Variants in HMBOX1 observed in about 807,000 individuals in gnomAD.
The protein encoded by HMBOX1 is homeobox-containing protein 1.
Under a neutral mutation model 54.5 loss-of-function variants are expected in HMBOX1, and 14 were observed. The observed-to-expected ratio is 0.26, with a 90% confidence interval of 0.17 to 0.40. HMBOX1 has a LOEUF of 0.40. Among genes scored for constraint, HMBOX1 ranks in the 10% least tolerant of loss-of-function variants. The pLI, the probability that HMBOX1 is intolerant of heterozygous loss-of-function variation, is 1.00. For synonymous variants in HMBOX1, 160 were observed against 181.0 expected (o/e 0.88, Z 0.93); for missense variants, 332 against 514.4 (o/e 0.65, Z 3.43).
chr8:28,998,775 C>T (rs2132692069), intron 4 of HMBOX1, among the ~76,000 whole-genome samples: 1 of 151,702 alleles, frequency 6.6e-6, no homozygotes, highest in South Asian at 2.1e-4. Flanking sequence ...ATTTTAAATC[C>T]CTTGTCATTT....
At chr8:28,961,428 A>G (rs1487363410) in intron 1 of HMBOX1, among the ~76,000 whole-genome samples, 3 of 152,250 alleles carry the variant, frequency 2.0e-5, no homozygotes, top group Admixed American at 6.5e-5. Context: ...TGACTACTCT[A>G]GGTACCTCAT....
intron 1 of HMBOX1, among the ~76,000 whole-genome samples, chr8:28,937,124 C>A (rs944214953): frequency 6.6e-6 from 1 of 152,134 alleles, no homozygotes; most frequent in African/African-American, 2.4e-5. Flanking sequence ...GTGAGGTTGG[C>A]ATAGCTGGGA....
At chr8:28,898,881 G>A (rs1382000361) in intron 1 of HMBOX1, among the ~76,000 whole-genome samples, 1 of 152,188 alleles carries the variant, frequency 6.6e-6, no homozygotes, top group Non-Finnish European at 1.5e-5. Flanking sequence ...GTGGGAGGTA[G>A]CGTGGAAAGC....
chr8:29,014,086 TC>T (rs34725513), intron 5 of HMBOX1, among the ~76,000 whole-genome samples: 151,286 of 152,258 alleles, frequency 0.99, 75,186 homozygotes, highest in Middle Eastern at 1. Context: ...GTGCTTATAG[TC>T]CCCTCACCCA....
chr8:29,025,798 T>G (rs1801926706), intron 6 of HMBOX1, among the ~76,000 whole-genome samples: 1 of 152,182 alleles, frequency 6.6e-6, no homozygotes, highest in African/African-American at 2.4e-5. Flanking sequence ...CCCTGCTGAC[T>G]GATCTCATTT....
chr8:28,916,148 T>C (rs547186230), intron 1 of HMBOX1, among the ~76,000 whole-genome samples: 43 of 152,306 alleles, frequency 2.8e-4, no homozygotes, highest in African/African-American at 9.9e-4. Context: ...GATTTATGTG[T>C]TTTCTTGTTC....
chr8:29,017,318 A>G (rs1835183365), intron 5 of HMBOX1, among the ~76,000 whole-genome samples: 1 of 152,222 alleles, frequency 6.6e-6, no homozygotes, highest in Non-Finnish European at 1.5e-5. Context: ...AAAGCATCTT[A>G]TAACCTAGCC....
At chr8:29,002,279 A>G (rs1339479811) in intron 4 of HMBOX1, among the ~76,000 whole-genome samples, 2 of 152,124 alleles carry the variant, frequency 1.3e-5, no homozygotes, top group African/African-American at 4.8e-5. Flanking sequence ...CTTCTCCCAC[A>G]ACTAGGTATC....
At chr8:28,895,654 A>C (rs947492203) in intron 1 of HMBOX1, among the ~76,000 whole-genome samples, 3 of 151,768 alleles carry the variant, frequency 2.0e-5, no homozygotes, top group African/African-American at 7.3e-5. Context: ...CAGCCTGGGC[A>C]ACAGAGTGAG....
intron 1 of HMBOX1, among the ~76,000 whole-genome samples, chr8:28,938,791 T>TAGC (rs10625339): frequency 0.66 from 99,511 of 151,462 alleles, 32,834 homozygotes; most frequent in East Asian, 0.76. Context: ...TCTGGAGTAG[T>TAGC]CTTTTTCTAT....
chr8:28,921,035 A>G (rs182553378), intron 1 of HMBOX1, among the ~76,000 whole-genome samples: 1 of 152,364 alleles, frequency 6.6e-6, no homozygotes, highest in African/African-American at 2.4e-5. Flanking sequence ...ATAAGCATTT[A>G]AAATCATCCC....
chr8:28,990,847 A>T (rs1397026719), intron 4 of HMBOX1, among the ~76,000 whole-genome samples: 1 of 151,810 alleles, frequency 6.6e-6, no homozygotes, highest in Non-Finnish European at 1.5e-5. Context: ...AGAGGCAGGG[A>T]TTCAACATGT....
At position 28,900,254 on chromosome 8, in the gene HMBOX1, C is replaced by CAAA. The variant is rs1215445461; in HGVS notation, c.-58+9592_-58+9594dup. Among the ~76,000 whole-genome samples, 241 of 94,876 alleles carry CAAA rather than the reference C, an allele frequency of 2.5e-3. 4 individuals carry two copies. The East Asian group carries it at 0.032, about 13-fold the overall frequency. The allele number at this position is 94,876 out of a possible 152,430, so 62.2% of individuals were successfully genotyped here. On this transcript the variant is annotated intron_variant, in intron 1 of 9. Coordinates refer to ENST00000287701, the MANE Select transcript of HMBOX1 (RefSeq NM_001135726.3). ...TGGGCTACAGAGCAAGATTCCGTCTCAAAAAAAAAAAAAAAAAATATATAT... is the reference window on the plus strand; with the variant it reads ...TGGGCTACAGAGCAAGATTCCGTCTCAAAAAAAAAAAAAAAAAAAAATATATAT...
At chr8:29,010,800 G>T (rs1240406728) in intron 5 of HMBOX1, among the ~76,000 whole-genome samples, 2 of 151,894 alleles carry the variant, frequency 1.3e-5, no homozygotes, top group African/African-American at 2.4e-5. Flanking sequence ...TCTTTCTTTA[G>T]TATCTCTTTT....
At chr8:28,948,051 G>A (rs982985007) in intron 1 of HMBOX1, among the ~76,000 whole-genome samples, 1 of 152,132 alleles carries the variant, frequency 6.6e-6, no homozygotes, top group African/African-American at 2.4e-5. Flanking sequence ...GCCTCTCAAA[G>A]TGCTGGGATT....
intron 6 of HMBOX1, among the ~76,000 whole-genome samples, chr8:29,019,590 T>A (rs1430490091): frequency 6.6e-6 from 1 of 152,240 alleles, no homozygotes; most frequent in East Asian, 1.9e-4. Flanking sequence ...ATTTTGTTTA[T>A]ATGCAATTAG....
rs185001746 is a variant in HMBOX1 at position 28,979,429 on chromosome 8, C to T, written c.501-642C>T. On this transcript the variant is annotated intron_variant, in intron 3 of 9. Coordinates refer to ENST00000287701, the MANE Select transcript of HMBOX1 (RefSeq NM_001135726.3). ...AGAATATTATGTAGTTTTAAGTATTCTTATATATAATACAAAATGTATAAA... is the reference window on the plus strand; with the variant it reads ...AGAATATTATGTAGTTTTAAGTATTTTTATATATAATACAAAATGTATAAA... Among the ~76,000 whole-genome samples the T allele has an allele frequency of 2.2e-3, 330 of 152,188 alleles. 1 individual carries two copies. The highest frequency in any genetic ancestry group is 7.7e-3 in the African/African-American group (318 of 41,532).
chr8:28,961,317 AT>A (rs963498934), intron 1 of HMBOX1, among the ~76,000 whole-genome samples: 1 of 152,102 alleles, frequency 6.6e-6, no homozygotes, highest in African/African-American at 2.4e-5. Flanking sequence ...TTTCCAGAAC[AT>A]TTTCATCCTC....
At chr8:28,898,240 T>TG (rs5890430) in intron 1 of HMBOX1, among the ~76,000 whole-genome samples, 132,663 of 151,962 alleles carry the variant, frequency 0.87, 57,959 homozygotes, top group Admixed American at 0.9. Context: ...TAATTTCTAT[T>TG]AAAAAAAGAC....
Sources: gnomAD v4.1 joint callset for allele counts (sites outside exome capture counted in the v4.1 genomes callset) on GRCh38, gnomAD v4.1.1 for gene constraint, MANE v1.5 for transcripts, NCBI Gene and HGNC (gene_info 2026-07-23, HGNC 2026-07-21) for gene names.